RGS8: variants seen among roughly 807,000 people sequenced by gnomAD.
The protein encoded by RGS8 is regulator of G protein signaling 8.
RGS8 carries 8 observed loss-of-function variants against 21.7 expected under a neutral mutation model. That is an observed-to-expected ratio of 0.37 (90% CI 0.22 to 0.66). The LOEUF (loss-of-function observed/expected upper bound fraction) is 0.66, where lower values mean the gene tolerates loss of function less well. Among genes scored for constraint, RGS8 ranks in the 30% least tolerant of loss-of-function variants. The pLI is 0.59. For synonymous variants in RGS8, 80 were observed against 83.6 expected (o/e 0.96, Z 0.24); for missense variants, 157 against 217.9 (o/e 0.72, Z 1.76).
intron 2 of RGS8, among the ~76,000 whole-genome samples, chr1:182,670,423 G>A (rs1352854564): frequency 6.6e-6 from 1 of 152,236 alleles, no homozygotes; most frequent in Non-Finnish European, 1.5e-5. Flanking sequence ...ATGAGTGTGG[G>A]AAGACAGGGG....
chr1:182,677,234 C>T (rs969122832), upstream of RGS8, among the ~76,000 whole-genome samples: 1 of 152,198 alleles, frequency 6.6e-6, no homozygotes, highest in South Asian at 2.1e-4. Context: ...TCATTTTCAT[C>T]ATGGATAAAA....
At chr1:182,733,177 ACT>A in the RGS8 span, among the ~76,000 whole-genome samples, 3 of 152,230 alleles carry the variant, frequency 2.0e-5, no homozygotes, top group Admixed American at 2.0e-4. Flanking sequence ...ATAGGCAGTA[ACT>A]CAGTGTCTGG....
intron 5 of RGS8, among the ~76,000 whole-genome samples, chr1:182,661,158 A>T (rs1402634250): frequency 6.6e-6 from 1 of 151,552 alleles, no homozygotes; most frequent in South Asian, 2.1e-4. Context: ...TATCTCAACC[A>T]TTATCTCAAA....
At chr1:182,669,089 G>C (rs1241876182) in intron 3 of RGS8, among the ~76,000 whole-genome samples, 1 of 152,204 alleles carries the variant, frequency 6.6e-6, no homozygotes, top group African/African-American at 2.4e-5. Context: ...CAAGACAACT[G>C]TGATTCTCCC....
At chr1:182,741,619 C>T in the RGS8 span, among the ~76,000 whole-genome samples, 4 of 113,908 alleles carry the variant, frequency 3.5e-5, no homozygotes, top group African/African-American at 1.0e-4. Context: ...GCTGGCTGGG[C>T]GGGGGGCTGA....
At chr1:182,717,086 G>C in the RGS8 span, among the ~76,000 whole-genome samples, 2 of 152,198 alleles carry the variant, frequency 1.3e-5, no homozygotes, top group African/African-American at 4.8e-5. Flanking sequence ...TTAATGACCA[G>C]CTCTGTGACC....
At chr1:182,737,074 T>C in the RGS8 span, among the ~76,000 whole-genome samples, 2 of 152,136 alleles carry the variant, frequency 1.3e-5, no homozygotes, top group Non-Finnish European at 2.9e-5. Flanking sequence ...AGGAAGAATC[T>C]ATTCTTGCCT....
chr1:182,727,908 A>G, the RGS8 span, among the ~76,000 whole-genome samples: 164 of 152,322 alleles, frequency 1.1e-3, no homozygotes, highest in Admixed American at 2.5e-3. Context: ...GTACATTTAC[A>G]CTTCATTTGA....
At chr1:182,673,024 C>T (rs1037195628), upstream of RGS8, 6 of 642,142 alleles carry the variant, frequency 9.3e-6, no homozygotes, top group South Asian at 1.9e-5. Context: ...TTCCAGGTGA[C>T]TGTGATGCAT....
chr1:182,668,008 T>C (rs1250167038), intron 3 of RGS8, among the ~76,000 whole-genome samples: 1 of 152,120 alleles, frequency 6.6e-6, no homozygotes, highest in Non-Finnish European at 1.5e-5. Flanking sequence ...TAATCGGAGG[T>C]TGACAAACTA....
At chr1:182,677,820 A>T (rs1664414215), upstream of RGS8, among the ~76,000 whole-genome samples, 1 of 152,226 alleles carries the variant, frequency 6.6e-6, no homozygotes, top group African/African-American at 2.4e-5. Context: ...TAAGCCTGCG[A>T]TTCTTCCTTA....
chr1:182,672,998 G>A, upstream of RGS8: 1 of 748,452 alleles, frequency 1.3e-6, no homozygotes, highest in South Asian at 1.6e-5. Flanking sequence ...AGAAACTCTG[G>A]GGACAGTAAT....
upstream of RGS8, among the ~76,000 whole-genome samples, chr1:182,688,344 TTCTC>T (rs1218249354): frequency 1.3e-5 from 2 of 150,912 alleles, no homozygotes; most frequent in Non-Finnish European, 3.0e-5. Context: ...CACACACACT[TTCTC>T]TCTCGCTCGC....
At chr1:182,676,245 A>T (rs933479626), upstream of RGS8, among the ~76,000 whole-genome samples, 2 of 152,230 alleles carry the variant, frequency 1.3e-5, no homozygotes, top group African/African-American at 2.4e-5. Flanking sequence ...ATAATATTTT[A>T]AAAAGCCACG....
At chr1:182,739,808 G>A in the RGS8 span, among the ~76,000 whole-genome samples, 5 of 152,000 alleles carry the variant, frequency 3.3e-5, no homozygotes, top group African/African-American at 1.2e-4. Context: ...CGACAATCAC[G>A]CTAACAGGCA....
At chr1:182,658,509 A>T (rs912377413) in intron 5 of RGS8, 1 of 152,264 alleles carries the variant, frequency 6.6e-6, no homozygotes, top group Non-Finnish European at 1.5e-5. Flanking sequence ...AATGGGTTCC[A>T]AGACCAGATA....
intron 5 of RGS8, among the ~76,000 whole-genome samples, chr1:182,649,401 T>C (rs753554622): frequency 2.0e-4 from 31 of 152,190 alleles, no homozygotes; most frequent in Non-Finnish European, 4.4e-4. Context: ...TTCTGTTACC[T>C]GGACGGGGTT....
At chr1:182,733,338 A>C in the RGS8 span, among the ~76,000 whole-genome samples, 1 of 152,224 alleles carries the variant, frequency 6.6e-6, no homozygotes, top group Non-Finnish European at 1.5e-5. Context: ...GGGAGAATTC[A>C]TGAAGGATTG....
intron 1 of RGS8, among the ~76,000 whole-genome samples, chr1:182,682,545 C>A (rs935235627): frequency 3.3e-5 from 5 of 152,168 alleles, no homozygotes; most frequent in Admixed American, 2.6e-4. Context: ...AGTTGTTCAG[C>A]ACATCTTGAC....
Sources: allele counts gnomAD v4.1 joint callset (sites outside exome capture counted in the v4.1 genomes callset), GRCh38; gene constraint gnomAD v4.1.1; transcripts MANE v1.5; gene names NCBI Gene and HGNC (gene_info 2026-07-23, HGNC 2026-07-21).